GAS7: variants seen among roughly 807,000 people sequenced by gnomAD.
GAS7 encodes growth arrest-specific protein 7.
Under a neutral mutation model 71.1 loss-of-function variants are expected in GAS7, and 28 were observed. The observed-to-expected ratio is 0.39, with a 90% CI of 0.29 to 0.54. GAS7 has a LOEUF of 0.54. Among genes scored for constraint, GAS7 ranks in the 20% least tolerant of loss-of-function variants. The pLI is 0.62. For missense variants in GAS7, 436 were observed against 627.8 expected, an observed-to-expected ratio of 0.69 and a Z score of 3.27; for synonymous variants, 258 against 245.8, an observed-to-expected ratio of 1.05 and a Z score of -0.46.
At chr17:10,091,091 C>T (rs1050936605) in intron 1 of GAS7, among the ~76,000 whole-genome samples, 1 of 152,152 alleles carries the variant, frequency 6.6e-6, no homozygotes, top group Admixed American at 6.5e-5. Flanking sequence ...CCCCTCAATG[C>T]TCTCCCTGCT....
intron 1 of GAS7, among the ~76,000 whole-genome samples, chr17:10,134,906 C>A (rs2074026838): frequency 6.6e-6 from 1 of 151,738 alleles, no homozygotes; most frequent in African/African-American, 2.4e-5. Flanking sequence ...AATCTCGGCT[C>A]ACTGTCACCT....
At chr17:10,035,083 G>A (rs2152223238) in intron 1 of GAS7, among the ~76,000 whole-genome samples, 1 of 151,984 alleles carries the variant, frequency 6.6e-6, no homozygotes, top group South Asian at 2.1e-4. Flanking sequence ...CACCCCACAC[G>A]CCCTCTTCCC....
Position 10,126,577 on chromosome 17 carries a change from AACAC to A in GAS7, c.183+71627_183+71630del, listed in dbSNP as rs936604423. On this transcript the variant is annotated intron_variant, in intron 1 of 13. Coordinates refer to ENST00000432992, the MANE Select transcript of GAS7 (RefSeq NM_201433.2). Reference sequence around the variant, plus strand: ...ACGCAGACATGCACACACTCTCGAAAACACACACATTCACACACACACGCTCACA... The same window carrying A: ...ACGCAGACATGCACACACTCTCGAAAACACATTCACACACACACGCTCACA... Among the ~76,000 whole-genome samples, 64 of 150,722 alleles carry A rather than the reference AACAC, an allele frequency of 4.2e-4. 2 individuals carry two copies. In the Middle Eastern group the frequency reaches 0.024, roughly 57 times the overall value.
intron 2 of GAS7, among the ~76,000 whole-genome samples, chr17:10,018,932 C>T (rs943815751): frequency 6.6e-6 from 1 of 152,180 alleles, no homozygotes; most frequent in Non-Finnish European, 1.5e-5. Context: ...TTTAAATCCT[C>T]TCAGTTCTCT....
chr17:9,988,879 C>G (rs1330238089), intron 2 of GAS7, among the ~76,000 whole-genome samples: 2 of 143,792 alleles, frequency 1.4e-5, no homozygotes, highest in African/African-American at 5.3e-5. Context: ...GACGGAGTCT[C>G]GCTCTGTTGC....
chr17:10,111,309 C>A (rs1296154807), intron 1 of GAS7, among the ~76,000 whole-genome samples: 3 of 82 alleles, frequency 0.037, no homozygotes, highest in African/African-American at 0.15. Flanking sequence ...CCGAGGTGGG[C>A]GGATGATGGG....
chr17:10,098,268 G>A (rs2073664108), intron 1 of GAS7, among the ~76,000 whole-genome samples: 1 of 152,184 alleles, frequency 6.6e-6, no homozygotes, highest in Non-Finnish European at 1.5e-5. Flanking sequence ...TCTAGGACTA[G>A]CCTGGCCAGG....
intron 1 of GAS7, among the ~76,000 whole-genome samples, chr17:10,120,141 C>A (rs1429526702): frequency 1.3e-5 from 2 of 151,238 alleles, no homozygotes; most frequent in Non-Finnish European, 3.0e-5. Context: ...AGCTCTGGAC[C>A]CGCCCATCTC....
intron 3 of GAS7, among the ~76,000 whole-genome samples, chr17:9,971,757 T>C (rs1182732539): frequency 6.6e-6 from 1 of 152,178 alleles, no homozygotes; most frequent in Non-Finnish European, 1.5e-5. Context: ...ATCTACACAC[T>C]GATGTCCAAC....
intron 1 of GAS7, among the ~76,000 whole-genome samples, chr17:10,100,022 C>A (rs1443049712): frequency 6.6e-6 from 1 of 152,022 alleles, no homozygotes; most frequent in Non-Finnish European, 1.5e-5. Flanking sequence ...TGGAAAGAGA[C>A]AAGAAAAGAG....
rs532261646 is a variant in GAS7 at position 10,072,976 on chromosome 17, C to A, written c.184-53079G>T. Among the ~76,000 whole-genome samples, 4 of 152,198 alleles carry A rather than the reference C, an allele frequency of 2.6e-5. No homozygotes were observed. In the South Asian group the frequency reaches 6.2e-4, roughly 24 times the overall value. ...ATTCCATCATTCTAAGTAAATGGAGCAAAGTGGTCTATGTCTAACCCAGGG... is the reference window on the plus strand; with the variant it reads ...ATTCCATCATTCTAAGTAAATGGAGAAAAGTGGTCTATGTCTAACCCAGGG... On this transcript the variant is annotated intron_variant, in intron 1 of 13. Coordinates refer to ENST00000432992, the MANE Select transcript of GAS7 (RefSeq NM_201433.2).
At chr17:10,067,362 A>G (rs1457034758) in intron 1 of GAS7, among the ~76,000 whole-genome samples, 1 of 152,142 alleles carries the variant, frequency 6.6e-6, no homozygotes, top group Non-Finnish European at 1.5e-5. Context: ...CTCCTACCTC[A>G]GCCTCCCAAG....
chr17:10,113,922 TTTTG>T (rs1395024287), intron 1 of GAS7, among the ~76,000 whole-genome samples: 1 of 152,124 alleles, frequency 6.6e-6, no homozygotes, highest in Non-Finnish European at 1.5e-5. Flanking sequence ...CTTCTGTCTC[TTTTG>T]TTTCTCAAGA....
intron 4 of GAS7, among the ~76,000 whole-genome samples, chr17:9,965,220 C>T (rs977740981): frequency 1.3e-5 from 2 of 152,302 alleles, no homozygotes; most frequent in South Asian, 4.1e-4. Context: ...GACACATGCA[C>T]ACGTGTTTAT....
intron 1 of GAS7, among the ~76,000 whole-genome samples, chr17:10,113,110 A>C (rs998579300): frequency 6.6e-6 from 1 of 152,084 alleles, no homozygotes; most frequent in Admixed American, 6.5e-5. Flanking sequence ...AGAGTGGGGG[A>C]GCCATGGGAG....
intron 1 of GAS7, among the ~76,000 whole-genome samples, chr17:10,077,691 G>A (rs983637510): frequency 6.6e-6 from 1 of 152,214 alleles, no homozygotes; most frequent in African/African-American, 2.4e-5. Context: ...ACACCTAGAG[G>A]ACAGGTAACA....
In GAS7 at chr17:10,072,692, C is replaced by G. The variant is rs867454703; in HGVS notation, c.184-52795G>C. Among the ~76,000 whole-genome samples the G allele has an allele frequency of 2.8e-4, 42 of 152,276 alleles. No homozygotes were observed. The Middle Eastern group carries it at 0.014, about 49-fold the overall frequency. On this transcript the variant is annotated intron_variant, in intron 1 of 13. Transcript: ENST00000432992. Reference sequence around the variant, plus strand: ...CTGTCCACAACCCTACCCCGATCCACAGGAGTCAATATAAATGTAAGGTAA... The same window carrying G: ...CTGTCCACAACCCTACCCCGATCCAGAGGAGTCAATATAAATGTAAGGTAA...
intron 1 of GAS7, among the ~76,000 whole-genome samples, chr17:10,185,522 T>C (rs142403636): frequency 1.3e-5 from 2 of 152,334 alleles, no homozygotes; most frequent in African/African-American, 4.8e-5. Flanking sequence ...CCTCTGGCTG[T>C]TCATCTGTAT....
At chr17:10,136,126 A>G (rs2074036175) in intron 1 of GAS7, among the ~76,000 whole-genome samples, 1 of 152,202 alleles carries the variant, frequency 6.6e-6, no homozygotes, top group Non-Finnish European at 1.5e-5. Context: ...CAATGTCCCC[A>G]TGGCGAAGTG....
Sources: allele counts gnomAD v4.1 joint callset (sites outside exome capture counted in the v4.1 genomes callset), GRCh38; gene constraint gnomAD v4.1.1; transcripts MANE v1.5; gene names NCBI Gene and HGNC (gene_info 2026-07-23, HGNC 2026-07-21).